The following ARHGAP22 variants were observed in gnomAD, a reference collection of about 807,000 sequenced individuals.
The protein encoded by ARHGAP22 is rho GTPase-activating protein 22.
A neutral mutation model predicts 59.1 loss-of-function variants in ARHGAP22; 48 were observed. That is an observed-to-expected ratio of 0.81 (90% CI 0.64 to 1.03). ARHGAP22 has a LOEUF of 1.03. Among genes scored for constraint, ARHGAP22 ranks in the 50% least tolerant of loss-of-function variants. ARHGAP22 has a pLI of 0.00. For missense variants in ARHGAP22, 1,015 were observed against 958.7 expected (o/e 1.06, Z -0.78); for synonymous variants, 445 against 416.4 (o/e 1.07, Z -0.84).
chr10:48,458,916 G>C (rs898900213), intron 5 of ARHGAP22, among the ~76,000 whole-genome samples: 1 of 152,156 alleles, frequency 6.6e-6, no homozygotes, highest in African/African-American at 2.4e-5. Flanking sequence ...AAGAGCTGAG[G>C]GGCTGAGTGT....
chr10:48,459,629 C>A, intron 5 of ARHGAP22, 55 bp downstream of exon 5: 3 of 1,591,926 alleles, frequency 1.9e-6, no homozygotes, highest in Non-Finnish European at 2.6e-6. Context: ...TGGGCAGGAG[C>A]CCCTGCAGGA....
upstream of ARHGAP22, among the ~76,000 whole-genome samples, chr10:48,606,827 G>T (rs1444566026): frequency 6.6e-6 from 1 of 152,140 alleles, no homozygotes; most frequent in African/African-American, 2.4e-5. Flanking sequence ...CTTCCCCTGG[G>T]CCCTTATCTA....
At chr10:48,572,930 C>T (rs1050447440) in intron 2 of ARHGAP22, among the ~76,000 whole-genome samples, 3 of 152,126 alleles carry the variant, frequency 2.0e-5, no homozygotes, top group African/African-American at 7.2e-5. Flanking sequence ...GAAATAGGCT[C>T]TGCTTGTTGG....
At chr10:48,582,488 T>G (rs1429831623) in intron 2 of ARHGAP22, among the ~76,000 whole-genome samples, 1 of 152,200 alleles carries the variant, frequency 6.6e-6, no homozygotes, top group African/African-American at 2.4e-5. Flanking sequence ...TTAAAGCACC[T>G]TCTTAAAATG....
At chr10:48,558,129 C>T (rs920894087) in intron 2 of ARHGAP22, among the ~76,000 whole-genome samples, 1 of 152,142 alleles carries the variant, frequency 6.6e-6, no homozygotes, top group Non-Finnish European at 1.5e-5. Flanking sequence ...CCCTCCATGG[C>T]CCATTTTATG....
At chr10:48,631,458 T>C (rs945967190) in intron 1 of ARHGAP22, among the ~76,000 whole-genome samples, 3 of 152,256 alleles carry the variant, frequency 2.0e-5, no homozygotes, top group South Asian at 2.1e-4. Context: ...TGGAAAATTG[T>C]CATTTATTTA....
At chr10:48,443,066 GTCTC>G (rs1474544705), downstream of ARHGAP22, among the ~76,000 whole-genome samples, 1 of 152,102 alleles carries the variant, frequency 6.6e-6, no homozygotes, top group African/African-American at 2.4e-5. Context: ...GAATAAAAAC[GTCTC>G]CTGCACAAAA....
chr10:48,584,743 C>A (rs1158007339), intron 1 of ARHGAP22, among the ~76,000 whole-genome samples: 3 of 152,188 alleles, frequency 2.0e-5, no homozygotes, highest in African/African-American at 7.2e-5. Context: ...GCCTGTAATC[C>A]CAGCACTTTG....
At chr10:48,491,902 C>A (rs1351278982) in intron 3 of ARHGAP22, among the ~76,000 whole-genome samples, 1 of 152,258 alleles carries the variant, frequency 6.6e-6, no homozygotes, top group Admixed American at 6.5e-5. Context: ...TATCCGAACC[C>A]CACTTTTCTC....
At chr10:48,650,470 A>T (rs1400941495) in intron 1 of ARHGAP22, among the ~76,000 whole-genome samples, 1 of 152,188 alleles carries the variant, frequency 6.6e-6, no homozygotes, top group Admixed American at 6.5e-5. Flanking sequence ...TGATGGAAAA[A>T]TTTTGGAATT....
chr10:48,655,256 T>TGGGGGGG (rs1230624457), upstream of ARHGAP22, among the ~76,000 whole-genome samples: 1 of 9,912 alleles, frequency 1.0e-4, no homozygotes, highest in Non-Finnish European at 2.3e-4. Context: ...TGTGTGTGTG[T>TGGGGGGG]GGGGGGGGGG....
Position 48,604,787 on chromosome 10 carries a change from G to A in ARHGAP22, c.10C>T (p.Pro4Ser). Reference protein sequence around the residue: MLSPKIRQARRARS... With the variant: MLSSKIRQARRARS... ...CCCCTCCTGGCCTGCCTGATCTTTG[G>A]GCTCAGCATGTTCTTGCAGCCGTCC... is the stretch of plus-strand genomic sequence containing the variant. The change falls in exon 1 of 10, where the codon CCA (proline) becomes TCA (serine). Residue 4 changes from proline (P) to serine (S), a missense_variant. Transcript: ENST00000249601. 1 of 1,614,180 alleles carries A rather than the reference G, an allele frequency of 6.2e-7. No individual in the cohort carries two copies. Among genetic ancestry groups the A allele is most frequent in the Non-Finnish European group, 8.5e-7 (1 of 1,180,036 alleles).
intron 3 of ARHGAP22, among the ~76,000 whole-genome samples, chr10:48,540,972 G>A: frequency 6.6e-6 from 1 of 151,934 alleles, no homozygotes; most frequent in East Asian, 2.0e-4. Flanking sequence ...TTGCTTGAAA[G>A]TGCTGCTTCT....
intron 3 of ARHGAP22, among the ~76,000 whole-genome samples, chr10:48,533,514 CTA>C (rs1474409854): frequency 6.6e-6 from 1 of 152,160 alleles, no homozygotes. Context: ...TGTGGTATCA[CTA>C]TTTTATTCTA....
intron 4 of ARHGAP22, among the ~76,000 whole-genome samples, chr10:48,474,152 T>A (rs1170645997): frequency 6.6e-6 from 1 of 152,238 alleles, no homozygotes; most frequent in Non-Finnish European, 1.5e-5. Flanking sequence ...ATTTTCAGAA[T>A]ATAAGTTTTA....
intron 3 of ARHGAP22, among the ~76,000 whole-genome samples, chr10:48,498,242 C>T (rs1421868288): frequency 6.6e-6 from 1 of 152,114 alleles, no homozygotes; most frequent in African/African-American, 2.4e-5. Context: ...ACTCTCGCAT[C>T]CCTGCAGGGA....
upstream of ARHGAP22, among the ~76,000 whole-genome samples, chr10:48,655,257 G>GTGT (rs1491516692): frequency 6.4e-4 from 7 of 10,870 alleles, no homozygotes; most frequent in East Asian, 4.5e-3. Context: ...GTGTGTGTGT[G>GTGT]GGGGGGGGGG....
At chr10:48,443,489 T>C (rs2045250457), downstream of ARHGAP22, among the ~76,000 whole-genome samples, 1 of 151,726 alleles carries the variant, frequency 6.6e-6, no homozygotes, top group Non-Finnish European at 1.5e-5. Flanking sequence ...GAGACAGAAG[T>C]AGTAGCAATG....
intron 3 of ARHGAP22, chr10:48,493,378 C>A: frequency 6.8e-7 from 1 of 1,474,218 alleles, no homozygotes. Context: ...GGGTTAATCG[C>A]CCTCCCCAGT....
Sources: gnomAD v4.1 joint callset for allele counts (sites outside exome capture counted in the v4.1 genomes callset) on GRCh38, gnomAD v4.1.1 for gene constraint, MANE v1.5 for transcripts, NCBI Gene and HGNC (gene_info 2026-07-23, HGNC 2026-07-21) for gene names.